The following RPS6KA2 variants were observed in gnomAD, a reference collection of about 807,000 sequenced individuals.
The protein encoded by RPS6KA2 is ribosomal protein S6 kinase alpha-2.
A neutral mutation model predicts 91.8 loss-of-function variants in RPS6KA2; 42 were observed. The observed-to-expected ratio is 0.46, with a 90% CI of 0.36 to 0.59. The LOEUF (loss-of-function observed/expected upper bound fraction) is 0.59, where lower values mean the gene tolerates loss of function less well. Ranked by LOEUF, RPS6KA2 falls within the 20% of genes least tolerant of loss-of-function variation. RPS6KA2 has a pLI of 0.00. For synonymous variants in RPS6KA2, 414 were observed against 393.6 expected (o/e 1.05, Z -0.61); for missense variants, 798 against 978.5 (o/e 0.82, Z 2.46).
chr6:166,826,991 A>G (rs117540869), intron 2 of RPS6KA2, among the ~76,000 whole-genome samples: 430 of 152,322 alleles, frequency 2.8e-3, no homozygotes, highest in Non-Finnish European at 4.2e-3. Context: ...AGAAGCAGAG[A>G]GTAGAATTGT....
chr6:166,503,321 TGGATATG>T (rs1782086195), intron 6 of RPS6KA2, among the ~76,000 whole-genome samples: 1 of 152,250 alleles, frequency 6.6e-6, no homozygotes, highest in African/African-American at 2.4e-5. Context: ...CATCCTGCAG[TGGATATG>T]GGATGTGACC....
rs1788330063 is a variant in RPS6KA2 at position 166,666,798 on chromosome 6, C to T, written c.124-128014G>A. ...ACCCAAAAAGAATGGAAAGCAGAGCCTCAAAGAGACATTTGTACACTCACA... is the reference window on the plus strand; with the variant it reads ...ACCCAAAAAGAATGGAAAGCAGAGCTTCAAAGAGACATTTGTACACTCACA... On this transcript the variant is annotated intron_variant, in intron 2 of 21. Coordinates refer to the RPS6KA2 transcript ENST00000503859. The surrounding 1 kb of genome is among the most constrained non-coding windows in gnomAD (Gnocchi z 4.0). Among the ~76,000 whole-genome samples, 1 of 152,162 alleles carries T rather than the reference C, an allele frequency of 6.6e-6. No homozygotes were observed.
chr6:166,464,449 G>C (rs1179824358), intron 11 of RPS6KA2, among the ~76,000 whole-genome samples: 1 of 152,222 alleles, frequency 6.6e-6, no homozygotes. Context: ...ATAAGAGTCA[G>C]TGCAATACTA....
upstream of RPS6KA2, chr6:166,627,353 C>A: frequency 5.2e-6 from 2 of 385,968 alleles, no homozygotes; most frequent in South Asian, 9.8e-5. Context: ...CCTCCTCCTC[C>A]GCCCCGCCCC....
intron 2 of RPS6KA2, among the ~76,000 whole-genome samples, chr6:166,805,134 A>G (rs967106081): frequency 6.6e-6 from 1 of 152,230 alleles, no homozygotes; most frequent in African/African-American, 2.4e-5. Context: ...GTCTCGAATG[A>G]TAAATTATGG....
At chr6:166,715,768 T>C (rs1789991860) in intron 2 of RPS6KA2, among the ~76,000 whole-genome samples, 1 of 152,162 alleles carries the variant, frequency 6.6e-6, no homozygotes, top group Non-Finnish European at 1.5e-5. Flanking sequence ...CCAGGCATGG[T>C]GGCTCACGCC....
Position 166,677,262 on chromosome 6 carries a change from C to T in RPS6KA2, c.124-138478G>A, listed in dbSNP as rs372031077. ...AGGTTTTATACCTAAGAGGCAGAAC[C>T]GCCTGATTCTGAGAAATAGAGATAT... On this transcript the variant is annotated intron_variant, in intron 2 of 21. Coordinates refer to the RPS6KA2 transcript ENST00000503859. Among the ~76,000 whole-genome samples the T allele has an allele frequency of 2.1e-4, 32 of 152,100 alleles. 2 individuals are homozygous for T. The East Asian group carries it at 4.6e-3, about 22-fold the overall frequency.
intron 2 of RPS6KA2, among the ~76,000 whole-genome samples, chr6:166,839,992 C>CATAT (rs71032878): frequency 0.031 from 4,643 of 151,200 alleles, 88 homozygotes; most frequent in Non-Finnish European, 0.038. Flanking sequence ...AGTATTATTC[C>CATAT]ATATATATAT....
chr6:166,617,268 T>G (rs1291100040), intron 1 of RPS6KA2, among the ~76,000 whole-genome samples: 1 of 152,236 alleles, frequency 6.6e-6, no homozygotes, highest in East Asian at 1.9e-4. Context: ...TTCTATTTCT[T>G]AAAAATTACC....
rs550223262 is a variant in RPS6KA2 at position 166,638,430 on chromosome 6, CA to C, written c.124-99647del. Among the ~76,000 whole-genome samples the C allele has an allele frequency of 5.8e-4, 88 of 152,248 alleles. No homozygotes were observed. The South Asian group carries it at 0.017, about 29-fold the overall frequency. ...AGACAAGAGACTCAAAGTGACCAAG[CA>C]GATAAAAAAATGAACAACGTCGCTC... On this transcript the variant is annotated intron_variant, in intron 2 of 21. Coordinates refer to the RPS6KA2 transcript ENST00000503859.
intron 1 of RPS6KA2, among the ~76,000 whole-genome samples, chr6:166,544,330 C>T (rs762705704): frequency 6.6e-6 from 1 of 152,194 alleles, no homozygotes; most frequent in African/African-American, 2.4e-5. Flanking sequence ...CAGCCGCAGA[C>T]TTGCTGAGAA....
intron 1 of RPS6KA2, among the ~76,000 whole-genome samples, chr6:166,575,088 T>C (rs1190281240): frequency 1.3e-5 from 2 of 152,214 alleles, no homozygotes; most frequent in Admixed American, 6.5e-5. Flanking sequence ...CCAACCATGA[T>C]AGGCACAGCC....
intron 2 of RPS6KA2, among the ~76,000 whole-genome samples, chr6:166,700,469 A>T (rs1408277177): frequency 6.6e-6 from 1 of 151,480 alleles, no homozygotes; most frequent in African/African-American, 2.4e-5. Flanking sequence ...GACTTCTATC[A>T]TTATAAAGTA....
chr6:166,649,824 C>T lies in RPS6KA2; in HGVS notation c.124-111040G>A, dbSNP rs188193298. 1.1e-3 allele frequency among the ~76,000 whole-genome samples: 172 copies of T among 152,258 alleles called. 1 individual carries two copies. Among genetic ancestry groups the T allele is most frequent in the African/African-American group, 4.0e-3 (165 of 41,546 alleles). On this transcript the variant is annotated intron_variant, in intron 2 of 21. Coordinates refer to the RPS6KA2 transcript ENST00000503859. Reference sequence around the variant, plus strand: ...GTCTTCCTTGGAAAGCACAGAGAACCTGGCACGATTGTTTTGCTACCAGGA... The same window carrying T: ...GTCTTCCTTGGAAAGCACAGAGAACTTGGCACGATTGTTTTGCTACCAGGA...
In RPS6KA2 at chr6:166,508,632, T is replaced by C. The variant is rs899101377; in HGVS notation, c.380-350A>G. On this transcript the variant is annotated intron_variant, in intron 4 of 20. Coordinates refer to ENST00000265678, the MANE Select transcript of RPS6KA2 (RefSeq NM_021135.6). The surrounding 1 kb of genome is among the most constrained non-coding windows in gnomAD (Gnocchi z 4.3). ...CGTTGCTGGCTTTTGTCGTAATGCA[T>C]TAGTGAGCAGCCTGAAGATGGCTCT... Among the ~76,000 whole-genome samples the C allele has an allele frequency of 6.6e-6, 1 of 152,174 alleles. No individual in the cohort carries two copies. The highest frequency in any genetic ancestry group is 1.5e-5 in the Non-Finnish European group (1 of 68,036).
chr6:166,430,693 G>A (rs983791283), intron 15 of RPS6KA2, 82 bp from the exon 16 acceptor site: 1 of 1,430,126 alleles, frequency 7.0e-7, no homozygotes, highest in Admixed American at 2.2e-5. Context: ...ACAGGAGAGG[G>A]AAGTCAGAGG....
rs777631173 is a variant in RPS6KA2 at position 166,525,616 on chromosome 6, G to T, written c.298+5616C>A. On this transcript the variant is annotated intron_variant, in intron 3 of 20. Transcript: ENST00000265678. Reference sequence around the variant, plus strand: ...TTCCAGGCACAGGACAATCAGCCACGGTTTGGAGAAACAAGCTGGAGTTTC... The same window carrying T: ...TTCCAGGCACAGGACAATCAGCCACTGTTTGGAGAAACAAGCTGGAGTTTC... Among the ~76,000 whole-genome samples, 12 of 152,312 alleles carry T rather than the reference G, an allele frequency of 7.9e-5. No individual in the cohort carries two copies. In the East Asian group the frequency reaches 2.3e-3, roughly 29 times the overall value.
intron 2 of RPS6KA2, among the ~76,000 whole-genome samples, chr6:166,814,005 C>T (rs980557703): frequency 6.6e-6 from 1 of 152,140 alleles, no homozygotes; most frequent in Non-Finnish European, 1.5e-5. Context: ...TAAATAAATA[C>T]TTATCAATTG....
chr6:166,784,996 G>A (rs1778892560), intron 2 of RPS6KA2, among the ~76,000 whole-genome samples: 1 of 152,212 alleles, frequency 6.6e-6, no homozygotes, highest in South Asian at 2.1e-4. Context: ...AGCTTGCCCT[G>A]GCTGTCAGGT....
Sources: gnomAD v4.1 joint callset for allele counts (sites outside exome capture counted in the v4.1 genomes callset) on GRCh38, gnomAD v4.1.1 for gene constraint, Gnocchi (gnomAD v3.1) non-coding constraint, MANE v1.5 for transcripts, NCBI Gene and HGNC (gene_info 2026-07-23, HGNC 2026-07-21) for gene names.